Variants in SIPA1L1 observed in about 807,000 individuals in gnomAD.
SIPA1L1 encodes the protein signal-induced proliferation-associated 1-like protein 1.
SIPA1L1 carries 26 observed loss-of-function variants against 162.7 expected under a neutral mutation model. That is an observed-to-expected ratio of 0.16 (90% CI 0.12 to 0.22). SIPA1L1 has a LOEUF of 0.22. Among genes scored for constraint, SIPA1L1 ranks in the 10% least tolerant of loss-of-function variants. The probability of loss-of-function intolerance (pLI) is 1.00; values close to 1 mark genes in which losing one functional copy is unlikely to be tolerated. For missense variants in SIPA1L1, 1,874 were observed against 2,241.0 expected, an observed-to-expected ratio of 0.84 and a Z score of 3.31; for synonymous variants, 829 against 837.4, an observed-to-expected ratio of 0.99 and a Z score of 0.17.
chr14:71,566,240 A>G (rs1399238537), intron 4 of SIPA1L1, among the ~76,000 whole-genome samples: 1 of 152,208 alleles, frequency 6.6e-6, no homozygotes, highest in Non-Finnish European at 1.5e-5. Flanking sequence ...CTAGCAGAAG[A>G]TATGTAATGG....
At chr14:71,483,885 A>G (rs2048536254) in intron 2 of SIPA1L1, among the ~76,000 whole-genome samples, 1 of 152,106 alleles carries the variant, frequency 6.6e-6, no homozygotes, top group African/African-American at 2.4e-5. Context: ...TGTCACCGGT[A>G]AGGTTTTACT....
chr14:71,330,317 G>A (rs2034370496), intron 2 of SIPA1L1: 1 of 776,636 alleles, frequency 1.3e-6, no homozygotes, highest in African/African-American at 1.7e-5. Flanking sequence ...CCACATGAAG[G>A]GCTGTGGGCT....
intron 2 of SIPA1L1, among the ~76,000 whole-genome samples, chr14:71,338,855 T>G (rs545479617): frequency 4.0e-4 from 61 of 152,200 alleles, no homozygotes; most frequent in African/African-American, 1.4e-3. Context: ...TTCTCCTTCC[T>G]CAGCTTCCCG....
chr14:71,484,465 T>C (rs1381211813), intron 2 of SIPA1L1, among the ~76,000 whole-genome samples: 1 of 152,136 alleles, frequency 6.6e-6, no homozygotes, highest in African/African-American at 2.4e-5. Context: ...TTTATATATA[T>C]TAGCACTAAT....
chr14:71,625,350 A>G (rs1212034394), intron 7 of SIPA1L1, among the ~76,000 whole-genome samples: 1 of 147,370 alleles, frequency 6.8e-6, no homozygotes, highest in Non-Finnish European at 1.5e-5. Flanking sequence ...ACCCAGGCGG[A>G]GTGCAGTGGC....
At chr14:71,345,421 A>C (rs1245162367) in intron 2 of SIPA1L1, among the ~76,000 whole-genome samples, 1 of 152,178 alleles carries the variant, frequency 6.6e-6, no homozygotes, top group African/African-American at 2.4e-5. Context: ...ATAGACAAGT[A>C]ACAGAAAGTT....
At chr14:71,356,550 G>C (rs1423418434) in intron 2 of SIPA1L1, among the ~76,000 whole-genome samples, 1 of 45,208 alleles carries the variant, frequency 2.2e-5, no homozygotes, top group African/African-American at 8.7e-5. Context: ...GGGCAACATA[G>C]CAAGACCTTG....
intron 2 of SIPA1L1, among the ~76,000 whole-genome samples, chr14:71,471,287 G>A (rs1312414126): frequency 1.3e-5 from 2 of 152,160 alleles, no homozygotes; most frequent in African/African-American, 4.8e-5. Flanking sequence ...TGGCCAACAT[G>A]GTGAAACTCC....
chr14:71,439,954 G>A (rs1025340938), intron 2 of SIPA1L1, among the ~76,000 whole-genome samples: 2 of 152,112 alleles, frequency 1.3e-5, no homozygotes, highest in African/African-American at 4.8e-5. Context: ...CCTGTTATAC[G>A]GGAAGAGGGA....
At chr14:71,691,365 G>C (rs1474176542) in intron 13 of SIPA1L1, among the ~76,000 whole-genome samples, 1 of 152,166 alleles carries the variant, frequency 6.6e-6, no homozygotes, top group East Asian at 1.9e-4. Context: ...GCCAAGGCTG[G>C]TGCATGGCTT....
Position 71,381,870 on chromosome 14 carries a change from A to G in SIPA1L1, c.-465+60689A>G, listed in dbSNP as rs556211943. On this transcript the variant is annotated intron_variant, in intron 2 of 23. Coordinates refer to ENST00000381232, the MANE Select transcript of SIPA1L1 (RefSeq NM_001386936.1). ...CTATGCCTAATTCCTTTTTGAATCC[A>G]TGATACCCATTGTGATATTATGAAA... Among the ~76,000 whole-genome samples the G allele has an allele frequency of 5.3e-5, 8 of 152,304 alleles. No individual in the cohort carries two copies. The South Asian group carries it at 1.4e-3, about 28-fold the overall frequency.
intron 3 of SIPA1L1, among the ~76,000 whole-genome samples, chr14:71,520,118 A>T (rs914783579): frequency 2.0e-5 from 3 of 152,194 alleles, no homozygotes; most frequent in Non-Finnish European, 2.9e-5. Context: ...ATGAAAAAAC[A>T]AATTTTTTTT....
chr14:71,483,366 C>T (rs2048497304), intron 2 of SIPA1L1, among the ~76,000 whole-genome samples: 1 of 152,166 alleles, frequency 6.6e-6, no homozygotes, highest in Admixed American at 6.5e-5. Flanking sequence ...GCGCACATTG[C>T]TCTTTGTGAA....
chr14:71,601,306 G>T (rs965221348), intron 5 of SIPA1L1, among the ~76,000 whole-genome samples: 5 of 152,074 alleles, frequency 3.3e-5, no homozygotes, highest in Admixed American at 3.3e-4. Context: ...ATCATGAAGG[G>T]ATGCAAAATT....
At chr14:71,599,121 G>T (rs1380501706) in intron 5 of SIPA1L1, among the ~76,000 whole-genome samples, 1 of 141,346 alleles carries the variant, frequency 7.1e-6, no homozygotes, top group Non-Finnish European at 1.5e-5. Context: ...ATCCATCCAT[G>T]TTGCTGCAAA....
intron 2 of SIPA1L1, among the ~76,000 whole-genome samples, chr14:71,342,134 G>A (rs2035722583): frequency 6.6e-6 from 1 of 152,040 alleles, no homozygotes; most frequent in Non-Finnish European, 1.5e-5. Context: ...CTCCCGAGTA[G>A]CTAGAACTGT....
chr14:71,532,391 T>A (rs553399971), intron 4 of SIPA1L1, among the ~76,000 whole-genome samples: 210 of 152,340 alleles, frequency 1.4e-3, no homozygotes, highest in Non-Finnish European at 2.5e-3. Flanking sequence ...TATATATTAA[T>A]GGCATACAAA....
intron 3 of SIPA1L1, among the ~76,000 whole-genome samples, chr14:71,520,180 A>G (rs546601934): frequency 5.9e-5 from 9 of 152,300 alleles, no homozygotes; most frequent in African/African-American, 1.9e-4. Context: ...AGATATTTAT[A>G]TAGTTTCAGA....
At position 71,529,382 on chromosome 14, in the gene SIPA1L1, G is replaced by A. The variant is rs762625419; in HGVS notation, c.-303+12G>A. On this transcript the variant is annotated intron_variant, in intron 4 of 23. Coordinates refer to ENST00000381232, the MANE Select transcript of SIPA1L1 (RefSeq NM_001386936.1). ...GGCACAAGAATATAGTAAGTACTATGCCATACTTCCTATGACCTACCTGCT... is the reference window on the plus strand; with the variant it reads ...GGCACAAGAATATAGTAAGTACTATACCATACTTCCTATGACCTACCTGCT... The A allele has an allele frequency of 1.5e-6, 1 of 658,492 alleles. No individual in the cohort carries two copies. Among genetic ancestry groups the A allele is most frequent in the Non-Finnish European group, 2.8e-6 (1 of 360,534 alleles). The allele number at this position is 658,492 out of a possible 1,614,324, so 40.8% of individuals were successfully genotyped here. A position where few individuals can be genotyped will look rare whatever the true frequency, so the allele number is the denominator to read the frequency against.
Sources: gnomAD v4.1 joint callset for allele counts (sites outside exome capture counted in the v4.1 genomes callset) on GRCh38, gnomAD v4.1.1 for gene constraint, MANE v1.5 for transcripts, NCBI Gene and HGNC (gene_info 2026-07-23, HGNC 2026-07-21) for gene names.